Variants in ZC3H13 observed in about 807,000 individuals in gnomAD.
The protein encoded by ZC3H13 is zinc finger CCCH domain-containing protein 13.
In ZC3H13, 64 loss-of-function variants were observed where a neutral mutation model predicts 204.1. The ratio of observed to expected loss-of-function variants is 0.31; its 90% CI spans 0.26 to 0.39. The LOEUF is 0.39. Ranked by LOEUF, ZC3H13 falls within the 10% of genes least tolerant of loss-of-function variation. The pLI, the probability that ZC3H13 is intolerant of heterozygous loss-of-function variation, is 1.00. For synonymous variants in ZC3H13, 667 were observed against 693.7 expected, an observed-to-expected ratio of 0.96 and a Z score of 0.60; for missense variants, 1,833 against 2,082.7, an observed-to-expected ratio of 0.88 and a Z score of 2.33.
At chr13:45,977,615 C>T (rs1183941022) in intron 11 of ZC3H13, among the ~76,000 whole-genome samples, 2 of 152,082 alleles carry the variant, frequency 1.3e-5, no homozygotes, top group African/African-American at 4.8e-5. Flanking sequence ...GTTGTCTAAG[C>T]CTCATCATAT....
At chr13:46,037,559 AT>A (rs2043287924) in intron 4 of ZC3H13, among the ~76,000 whole-genome samples, 1 of 152,242 alleles carries the variant, frequency 6.6e-6, no homozygotes. Context: ...TCTCTGCAAT[AT>A]AAAATGAAAA....
intron 4 of ZC3H13, among the ~76,000 whole-genome samples, chr13:46,039,332 T>C (rs1457792379): frequency 2.0e-5 from 3 of 152,228 alleles, no homozygotes; most frequent in African/African-American, 4.8e-5. Flanking sequence ...CCAAGGCTGA[T>C]GTTCATCTTC....
intron 4 of ZC3H13, among the ~76,000 whole-genome samples, chr13:46,038,623 C>T (rs1172606351): frequency 1.3e-5 from 2 of 152,186 alleles, no homozygotes; most frequent in East Asian, 1.9e-4. Context: ...CTAACATAGG[C>T]CTGATCTTCC....
In ZC3H13 at chr13:45,962,848, C is replaced by T. The variant is rs183641594; in HGVS notation, c.4675+994G>A. On this transcript the variant is annotated intron_variant, in intron 17 of 18. Coordinates refer to ENST00000679008, the MANE Select transcript of ZC3H13 (RefSeq NM_001330564.2). ...TTCTTTTTACCATCTACTCGTCCCTCCCCATTAATAAAGTATTAGTAAGTT... is the reference window on the plus strand; with the variant it reads ...TTCTTTTTACCATCTACTCGTCCCTTCCCATTAATAAAGTATTAGTAAGTT... 2.7e-4 allele frequency: 263 copies of T among 985,292 alleles called. No individual in the cohort carries two copies. The African/African-American group carries it at 4.4e-3, about 16-fold the overall frequency. 61.0% of individuals were successfully genotyped at this position (985,292 alleles called of 1,614,324 possible).
chr13:46,031,668 T>C (rs2094244), intron 4 of ZC3H13, among the ~76,000 whole-genome samples: 117,535 of 152,106 alleles, frequency 0.77, 45,782 homozygotes, highest in African/African-American at 0.86. Context: ...CAAATAAGTA[T>C]ATGAAAAGAC....
At chr13:46,000,603 G>T (rs1368167571) in intron 8 of ZC3H13, among the ~76,000 whole-genome samples, 3 of 152,168 alleles carry the variant, frequency 2.0e-5, no homozygotes, top group African/African-American at 7.2e-5. Flanking sequence ...TTTCAACTGT[G>T]GCTGCTTTGA....
chr13:46,040,244 G>A (rs1488376052), intron 4 of ZC3H13, among the ~76,000 whole-genome samples: 1 of 152,124 alleles, frequency 6.6e-6, no homozygotes, highest in Non-Finnish European at 1.5e-5. Flanking sequence ...TTATAATGCT[G>A]TCAGGGCTTT....
rs536251738 is a variant in ZC3H13 at position 46,026,617 on chromosome 13, T to A, written c.340-6060A>T. Among the ~76,000 whole-genome samples the A allele has an allele frequency of 2.6e-5, 4 of 152,102 alleles. No individual in the cohort carries two copies. In the East Asian group the frequency reaches 7.7e-4, roughly 29 times the overall value. On this transcript the variant is annotated intron_variant, in intron 4 of 18. Transcript: ENST00000679008. ...TATGAAGAAAAACATGAAAGTTACT[T>A]TTTAAAAATCAAAAGAAAACACACA...
At chr13:46,001,699 T>C (rs781150074) in intron 8 of ZC3H13, among the ~76,000 whole-genome samples, 13 of 152,098 alleles carry the variant, frequency 8.5e-5, no homozygotes, top group Non-Finnish European at 1.3e-4. Flanking sequence ...GACTTCTTAG[T>C]CAAAATACCA....
At chr13:46,032,306 T>G (rs1009063374) in intron 4 of ZC3H13, among the ~76,000 whole-genome samples, 3 of 150,670 alleles carry the variant, frequency 2.0e-5, no homozygotes, top group African/African-American at 7.3e-5. Context: ...ACTTGATATC[T>G]TAAGTAAAAT....
chr13:45,992,068 A>G (rs1731383722), intron 8 of ZC3H13, among the ~76,000 whole-genome samples: 1 of 152,194 alleles, frequency 6.6e-6, no homozygotes, highest in South Asian at 2.1e-4. Context: ...ACTAACATTC[A>G]TATTTTAACC....
rs1951771785 is a variant in ZC3H13, at chr13:45,962,640, T to TA, written c.4675+1201dup. ...CTAGGTTTATTGGGCTATATTAAAA[T>TA]AAAAAAATTTACTGCTTATGCTAAT... On this transcript the variant is annotated intron_variant, in intron 17 of 18. Transcript: ENST00000679008. 12 of 981,388 alleles carry TA rather than the reference T, an allele frequency of 1.2e-5. 2 individuals carry two copies. In the South Asian group the frequency reaches 5.2e-4, roughly 42 times the overall value. The allele number at this position is 981,388 out of a possible 1,614,324, so 60.8% of individuals were successfully genotyped here. A position where few individuals can be genotyped will look rare whatever the true frequency, so the allele number is the denominator to read the frequency against.
chr13:45,988,876 G>A lies in ZC3H13; in HGVS notation c.1166C>T (p.Pro389Leu). 1 of 1,614,184 alleles carries A rather than the reference G, an allele frequency of 6.2e-7. No individual in the cohort carries two copies. Among genetic ancestry groups the A allele is most frequent in the South Asian group, 1.1e-5 (1 of 91,080 alleles). ...CTCTCGCATTGGAGAGCGATGTCTT[G>A]GAGGACTCTGCTTTCTCTGGGGAGA... ...LSSPQRKQSPPRHRSPMREKG... is the reference protein window; with the variant it reads ...LSSPQRKQSPLRHRSPMREKG... The change falls in exon 9 of 19, where the codon CCA (proline) becomes CTA (leucine). Residue 389 changes from proline to leucine, a missense_variant. Around this residue, in one of 5 missense-constraint regions of ZC3H13, gnomAD observed 1,574 missense variants for 1,757.2 expected, o/e 0.90. Transcript: ENST00000679008.
chr13:46,037,384 G>C (rs113126409), intron 4 of ZC3H13, among the ~76,000 whole-genome samples: 1 of 152,080 alleles, frequency 6.6e-6, no homozygotes, highest in Admixed American at 6.6e-5. Context: ...ATTCTTTCTT[G>C]AATGCAGCCA....
intron 6 of ZC3H13, 145 bp downstream of exon 6, chr13:46,011,270 T>C: frequency 2.0e-6 from 1 of 510,112 alleles, no homozygotes; most frequent in South Asian, 6.4e-5. Flanking sequence ...ATTAAATGAA[T>C]ATATATGGAG....
At chr13:45,960,458 G>C (rs1368248410) in intron 17 of ZC3H13, among the ~76,000 whole-genome samples, 1 of 152,110 alleles carries the variant, frequency 6.6e-6, no homozygotes, top group Non-Finnish European at 1.5e-5. Flanking sequence ...TTAAGAAAGT[G>C]ATTGTTAGAT....
rs988627772 is a variant in ZC3H13, at chr13:45,956,793, T to C, written c.*334A>G. 2.8e-4 allele frequency: 47 copies of C among 169,024 alleles called. No homozygotes were observed. The highest frequency in any genetic ancestry group is 1.0e-3 in the African/African-American group (44 of 42,232). The allele number at this position is 169,024 out of a possible 1,614,324, so 10.5% of individuals were successfully genotyped here. A position where few individuals can be genotyped will look rare whatever the true frequency, so the allele number is the denominator to read the frequency against. ...TATGGATGATCCAGACATAAATCCA[T>C]GGTTCCATTTCACAAAAATATTCAT... On this transcript the variant is annotated 3_prime_UTR_variant, in exon 19 of 19. Coordinates refer to ENST00000679008, the MANE Select transcript of ZC3H13 (RefSeq NM_001330564.2).
At chr13:46,026,467 T>C (rs531352465) in intron 4 of ZC3H13, among the ~76,000 whole-genome samples, 2 of 152,168 alleles carry the variant, frequency 1.3e-5, no homozygotes, top group East Asian at 3.9e-4. Context: ...ATAGATGTTT[T>C]ATATATATTT....
At chr13:45,984,083 G>A (rs1190288556) in intron 10 of ZC3H13, among the ~76,000 whole-genome samples, 1 of 152,192 alleles carries the variant, frequency 6.6e-6, no homozygotes, top group Non-Finnish European at 1.5e-5. Context: ...TTCTACAATA[G>A]AGAACAAGTA....
Sources: gnomAD v4.1 joint callset for allele counts (sites outside exome capture counted in the v4.1 genomes callset) on GRCh38, gnomAD v4.1.1 for gene constraint, gnomAD v4.1.1 regional missense constraint, MANE v1.5 for transcripts, NCBI Gene and HGNC (gene_info 2026-07-23, HGNC 2026-07-21) for gene names.